The following LTA4H variants were observed in gnomAD, a reference collection of about 807,000 sequenced individuals.
The protein encoded by LTA4H is leukotriene A4 hydrolase.
A neutral mutation model predicts 89.8 loss-of-function variants in LTA4H; 59 were observed. The ratio of observed to expected loss-of-function variants is 0.66; its 90% CI spans 0.53 to 0.82. The LOEUF (loss-of-function observed/expected upper bound fraction) is 0.82. Ranked by LOEUF, LTA4H falls within the 40% of genes least tolerant of loss-of-function variation. The pLI is 0.00. For synonymous variants in LTA4H, 227 were observed against 253.1 expected, an observed-to-expected ratio of 0.90 and a Z score of 0.98; for missense variants, 617 against 727.0, an observed-to-expected ratio of 0.85 and a Z score of 1.74.
In LTA4H at chr12:96,014,120, A is replaced by C. The variant is rs1592879161; in HGVS notation, c.1205-267T>G. The C allele has an allele frequency of 1.1e-5, 3 of 262,674 alleles. No homozygotes were observed. The East Asian group carries it at 2.4e-4, about 21-fold the overall frequency. The allele number at this position is 262,674 out of a possible 1,614,324, so 16.3% of individuals were successfully genotyped here. A position where few individuals can be genotyped will look rare whatever the true frequency, so the allele number is the denominator to read the frequency against. On this transcript the variant is annotated intron_variant, in intron 12 of 18. Coordinates refer to ENST00000228740, the MANE Select transcript of LTA4H (RefSeq NM_000895.3). ...ATAACACATGAAGACACAGAAAAGG[A>C]ATGCATAACCCAAGTTCTAAAAGCA...
intron 1 of LTA4H, among the ~76,000 whole-genome samples, chr12:96,031,648 G>C (rs1950574829): frequency 6.6e-6 from 1 of 152,110 alleles, no homozygotes. Context: ...AGTTGACATG[G>C]AATAGGTATC....
At chr12:96,010,551 T>C in intron 14 of LTA4H, 1 of 152,312 alleles carries the variant, frequency 6.6e-6, no homozygotes, top group Non-Finnish European at 1.5e-5. Flanking sequence ...GCTCAGGTAC[T>C]ATGTTGGAGG....
chr12:96,041,108 C>A (rs958909559), intron 1 of LTA4H, among the ~76,000 whole-genome samples: 2 of 151,106 alleles, frequency 1.3e-5, no homozygotes, highest in African/African-American at 2.4e-5. Flanking sequence ...TGAACGTAAG[C>A]TTTTTTTTTA....
chr12:96,015,698 A>G lies in LTA4H; in HGVS notation c.948-4T>C, dbSNP rs763668755. 1 of 1,471,772 alleles carries G rather than the reference A, an allele frequency of 6.8e-7. No homozygotes were observed. Among genetic ancestry groups the G allele is most frequent in the Non-Finnish European group, 9.4e-7 (1 of 1,061,640 alleles). The allele number at this position is 1,471,772 out of a possible 1,614,324, so 91.2% of individuals were successfully genotyped here. A position where few individuals can be genotyped will look rare whatever the true frequency, so the allele number is the denominator to read the frequency against. On this transcript the variant is annotated splice_region_variant and splice_polypyrimidine_tract_variant and intron_variant, in intron 10 of 18. Transcript: ENST00000228740. The stretch of plus-strand genomic sequence containing the variant: ...CACAGTATGTCCCTCATTTAACCTG[A>G]AAAAAAAATATTTTAATAAAAACAC...
chr12:96,017,456 A>G (rs2136891966), intron 9 of LTA4H, 101 bp downstream of exon 9: 2 of 1,041,306 alleles, frequency 1.9e-6, no homozygotes, highest in East Asian at 2.5e-5. Flanking sequence ...CAAATTGTCC[A>G]TTATAACCAT....
At position 96,009,139 on chromosome 12, in the gene LTA4H, C is replaced by G. The variant is rs1179300961; in HGVS notation, c.1389G>C (p.Met463Ile). ...GLPPIKPNYD[M>I]TLTNACIALS... is the part of the protein sequence containing the mutation. Reference sequence around the variant, plus strand: ...AGGCAATACAAGCATTTGTCAGAGTCATATCATAACTGCAAAGATAAAGAT... The same window carrying G: ...AGGCAATACAAGCATTTGTCAGAGTGATATCATAACTGCAAAGATAAAGAT... The change falls in exon 15 of 19, where the codon ATG becomes ATC. Residue 463 changes from methionine to isoleucine, a missense_variant. Coordinates refer to ENST00000228740, the MANE Select transcript of LTA4H (RefSeq NM_000895.3). The G allele has an allele frequency of 1.2e-6, 2 of 1,601,470 alleles. No individual in the cohort carries two copies. Among genetic ancestry groups the G allele is most frequent in the Non-Finnish European group, 1.7e-6 (2 of 1,169,960 alleles).
intron 2 of LTA4H, 55 bp downstream of exon 2, chr12:96,029,000 A>G: frequency 7.1e-7 from 1 of 1,408,952 alleles, no homozygotes; most frequent in Non-Finnish European, 9.5e-7. Context: ...AAATTAGTTA[A>G]GAATATGTTT....
At chr12:96,008,954 T>G (rs1168343311) in intron 15 of LTA4H, 140 bp downstream of exon 15, 2 of 684,942 alleles carry the variant, frequency 2.9e-6, no homozygotes, top group East Asian at 5.5e-5. Context: ...GTAGATATAA[T>G]ATCACCTTAG....
At chr12:96,003,774 C>T in intron 17 of LTA4H, 64 bp downstream of exon 17, 1 of 1,114,500 alleles carries the variant, frequency 9.0e-7, no homozygotes, top group Non-Finnish European at 1.3e-6. Flanking sequence ...CATTCCCTTT[C>T]TCCATCTTTC....
At chr12:96,006,475 G>A (rs1258510279) in intron 15 of LTA4H, 66 bp from the exon 16 acceptor site, 1 of 855,884 alleles carries the variant, frequency 1.2e-6, no homozygotes, top group Non-Finnish European at 1.8e-6. Context: ...TGGTTTATCT[G>A]ACATAAAAGT....
intron 1 of LTA4H, among the ~76,000 whole-genome samples, 198 bp downstream of exon 1, chr12:96,035,163 G>A (rs928002682): frequency 2.6e-5 from 4 of 152,206 alleles, no homozygotes; most frequent in Admixed American, 2.6e-4. Context: ...AAGCGGGGTT[G>A]AGAAGGGGTG....
intron 18 of LTA4H, among the ~76,000 whole-genome samples, chr12:96,002,148 C>T (rs1473151012): frequency 2.6e-5 from 4 of 152,188 alleles, no homozygotes; most frequent in African/African-American, 4.8e-5. Flanking sequence ...TGAGCCACCG[C>T]GCCCGGCCCA....
At chr12:96,026,944 GT>G (rs961396473) in intron 3 of LTA4H, among the ~76,000 whole-genome samples, 1 of 152,152 alleles carries the variant, frequency 6.6e-6, no homozygotes, top group African/African-American at 2.4e-5. Context: ...TAAAGGTACA[GT>G]TAATATATTG....
At chr12:96,030,649 C>G (rs1431967508) in intron 1 of LTA4H, among the ~76,000 whole-genome samples, 1 of 152,124 alleles carries the variant, frequency 6.6e-6, no homozygotes, top group East Asian at 1.9e-4. Context: ...ACTACTAACC[C>G]AGGTCAGGCC....
At chr12:96,029,251 A>T in intron 1 of LTA4H, 66 bp from the exon 2 acceptor site, 1 of 883,358 alleles carries the variant, frequency 1.1e-6, no homozygotes, top group Non-Finnish European at 1.7e-6. Context: ...CATATTAGAT[A>T]TAGGCTACAA....
chr12:96,024,546 G>C lies in LTA4H; in HGVS notation c.413C>G (p.Ala138Gly). ...EHPYLFSQCQ[A>G]IHCRAILPCQ... Reference sequence around the variant, plus strand: ...AGGAAGGATTGCTCTGCAGTGGATGGCCTGAAAAAGGGAGAAACAAGAAGA... The same window carrying C: ...AGGAAGGATTGCTCTGCAGTGGATGCCCTGAAAAAGGGAGAAACAAGAAGA... The change falls in exon 4 of 19, where the codon GCC (alanine) becomes GGC (glycine). Residue 138 changes from alanine to glycine, a missense_variant and splice_region_variant. By Grantham distance (60) the Ala-to-Gly change is moderately conservative. This residue lies in a region of LTA4H where 172 missense variants were observed against 244.5 expected (regional missense o/e 0.70). Coordinates refer to ENST00000228740, the MANE Select transcript of LTA4H (RefSeq NM_000895.3). 2 of 1,604,742 alleles carry C rather than the reference G, an allele frequency of 1.2e-6. No homozygotes were observed. Among genetic ancestry groups the C allele is most frequent in the South Asian group, 2.2e-5 (2 of 90,732 alleles).
chr12:96,020,862 A>G, intron 6 of LTA4H: 2 of 462,390 alleles, frequency 4.3e-6, no homozygotes, highest in Non-Finnish European at 7.7e-6. Flanking sequence ...TAAAGGTAAG[A>G]GCATGCTCAT....
Position 96,018,863 on chromosome 12 carries a change from G to A in LTA4H, c.752C>T (p.Pro251Leu), listed in dbSNP as rs761212184. 1.2e-5 allele frequency: 19 copies of A among 1,601,500 alleles called. No individual in the cohort carries two copies. Among genetic ancestry groups the A allele is most frequent in the African/African-American group, 5.4e-5 (4 of 74,222 alleles). ...TAGGTCATACTGTCCCCATACATAC[G>A]GTCCTCCCAGATCTTCTGCTATTTT... The part of the protein sequence containing the change: ...MLKIAEDLGG[P>L]YVWGQYDLLV... Residue 251 changes from proline to leucine, a missense_variant, in exon 8 of 19, where the codon CCG (proline) becomes CTG (leucine). By Grantham distance (98) the Pro-to-Leu change is moderately conservative (BLOSUM62 -3). Transcript: ENST00000228740.
chr12:96,016,182 C>T (rs1402420132), intron 10 of LTA4H, among the ~76,000 whole-genome samples: 1 of 150,694 alleles, frequency 6.6e-6, no homozygotes, highest in Non-Finnish European at 1.5e-5. Context: ...AGCATGGTGG[C>T]GTGCACCTGT....
Sources: allele counts gnomAD v4.1 joint callset (sites outside exome capture counted in the v4.1 genomes callset), GRCh38; gene constraint gnomAD v4.1.1; regional missense constraint gnomAD v4.1.1; transcripts MANE v1.5; gene names NCBI Gene and HGNC (gene_info 2026-07-23, HGNC 2026-07-21).